The following PTER variants were observed in gnomAD, a reference collection of about 807,000 sequenced individuals.
PTER encodes phosphotriesterase related.
In PTER, 38 loss-of-function variants were observed where a neutral mutation model predicts 29.6. The observed-to-expected ratio is 1.28, with a 90% confidence interval of 0.99 to 1.68. PTER has a LOEUF of 1.68. Among genes scored for constraint, PTER ranks in the 40% most tolerant of loss-of-function variants. PTER has a pLI of 0.00. For synonymous variants in PTER, 172 were observed against 154.5 expected (o/e 1.11, Z -0.84); for missense variants, 482 against 427.8 (o/e 1.13, Z -1.12).
chr10:16,474,492 G>A (rs1835181292), intron 1 of PTER, among the ~76,000 whole-genome samples: 2 of 151,706 alleles, frequency 1.3e-5, no homozygotes, highest in African/African-American at 4.8e-5. Flanking sequence ...CATATTATTC[G>A]GCGTTAGTCT....
chr10:16,514,857 T>C, downstream of PTER: 1 of 625,764 alleles, frequency 1.6e-6, no homozygotes. Flanking sequence ...TTTATGAGGA[T>C]AGTGCTGTGG....
At chr10:16,469,408 A>G (rs1834964478) in intron 1 of PTER, among the ~76,000 whole-genome samples, 1 of 152,214 alleles carries the variant, frequency 6.6e-6, no homozygotes, top group African/African-American at 2.4e-5. Flanking sequence ...AGGCTTCCTA[A>G]GGTGGATTGC....
rs576955078 is a variant in PTER at position 16,470,961 on chromosome 10, C to T, written c.-48-13376C>T. ...TTCACAACACCCCCGCCTCCATTTC[C>T]GCTGCTAACCCCTCATATGAGTGTG... is the stretch of plus-strand genomic sequence containing the variant. On this transcript the variant is annotated intron_variant, in intron 1 of 4. Coordinates refer to ENST00000535784, the MANE Select transcript of PTER (RefSeq NM_001261836.2). Among the ~76,000 whole-genome samples the T allele has an allele frequency of 3.7e-4, 57 of 152,146 alleles. No individual in the cohort carries two copies. The South Asian group carries it at 7.3e-3, about 19-fold the overall frequency.
At chr10:16,443,216 G>A (rs1398300536) in intron 1 of PTER, among the ~76,000 whole-genome samples, 1 of 152,138 alleles carries the variant, frequency 6.6e-6, no homozygotes, top group African/African-American at 2.4e-5. Context: ...TCTCTCTTTG[G>A]CTTGTGGATG....
At chr10:16,445,613 G>A (rs1333403629) in intron 1 of PTER, among the ~76,000 whole-genome samples, 1 of 152,144 alleles carries the variant, frequency 6.6e-6, no homozygotes, top group Non-Finnish European at 1.5e-5. Flanking sequence ...GTGTCTCCAA[G>A]CTCAGTCTTT....
chr10:16,474,118 G>A (rs1835165726), intron 1 of PTER, among the ~76,000 whole-genome samples: 1 of 152,182 alleles, frequency 6.6e-6, no homozygotes, highest in African/African-American at 2.4e-5. Flanking sequence ...TTGAGAGGCT[G>A]AGGCAGGAAA....
intron 1 of PTER, among the ~76,000 whole-genome samples, chr10:16,438,630 A>C (rs1386332512): frequency 6.7e-6 from 1 of 150,298 alleles, no homozygotes; most frequent in African/African-American, 2.4e-5. Context: ...TAGACACATT[A>C]AGGTGAGTGG....
At chr10:16,463,055 T>C (rs868038758) in intron 1 of PTER, among the ~76,000 whole-genome samples, 3 of 151,926 alleles carry the variant, frequency 2.0e-5, no homozygotes, top group Middle Eastern at 3.4e-3. Flanking sequence ...TAGTCGGGCT[T>C]GACGGCAGGC....
chr10:16,501,131 A>G (rs1244750764), intron 3 of PTER, among the ~76,000 whole-genome samples: 3 of 151,788 alleles, frequency 2.0e-5, no homozygotes, highest in South Asian at 4.2e-4. Context: ...GGGTTTCACC[A>G]TGTTGGCCAG....
intron 1 of PTER, among the ~76,000 whole-genome samples, chr10:16,471,999 G>A (rs956054795): frequency 1.3e-5 from 2 of 152,140 alleles, no homozygotes; most frequent in African/African-American, 2.4e-5. Flanking sequence ...ATACCTCCAC[G>A]CTCACTACAA....
At chr10:16,465,060 A>T (rs867095270) in intron 1 of PTER, among the ~76,000 whole-genome samples, 2 of 152,176 alleles carry the variant, frequency 1.3e-5, no homozygotes, top group Admixed American at 1.3e-4. Context: ...CCATGATTCA[A>T]ATACCTCCCA....
intron 3 of PTER, among the ~76,000 whole-genome samples, chr10:16,489,608 G>A (rs1040016130): frequency 4.6e-5 from 7 of 151,310 alleles, no homozygotes; most frequent in South Asian, 2.1e-4. Flanking sequence ...CACTACTTAC[G>A]TGGGACACTT....
intron 1 of PTER, among the ~76,000 whole-genome samples, chr10:16,453,328 T>A (rs1054772370): frequency 6.6e-5 from 10 of 152,210 alleles, no homozygotes; most frequent in African/African-American, 2.4e-4. Flanking sequence ...GTTGTGATTA[T>A]TGGAAACTAA....
In PTER at chr10:16,512,307, TA is replaced by T. The variant is rs1476115941; in HGVS notation, c.*1054del. On this transcript the variant is annotated 3_prime_UTR_variant, in exon 5 of 5. Transcript: ENST00000535784. The stretch of plus-strand genomic sequence containing the variant: ...CTTAGGTGATGGGCACTGCTGCTTA[TA>T]AATTCATCTTTTGGTTGAATCCTCA... 1.3e-5 allele frequency: 2 copies of T among 152,200 alleles called. No homozygotes were observed. Among genetic ancestry groups the T allele is most frequent in the Non-Finnish European group, 2.9e-5 (2 of 68,012 alleles). 9.4% of individuals were successfully genotyped at this position (152,200 alleles called of 1,614,324 possible).
intron 3 of PTER, among the ~76,000 whole-genome samples, chr10:16,494,989 A>G (rs1404741985): frequency 7.9e-5 from 12 of 152,120 alleles, no homozygotes; most frequent in Non-Finnish European, 1.8e-4. Context: ...ATTGCATTAT[A>G]AACATTTTAA....
chr10:16,505,391 T>G (rs756058430), intron 4 of PTER, among the ~76,000 whole-genome samples: 2 of 152,264 alleles, frequency 1.3e-5, no homozygotes, highest in South Asian at 2.1e-4. Flanking sequence ...AGAAGTTCAG[T>G]GCAGATGGGC....
chr10:16,499,671 T>A (rs1836256470), intron 3 of PTER, among the ~76,000 whole-genome samples: 1 of 152,264 alleles, frequency 6.6e-6, no homozygotes, highest in East Asian at 1.9e-4. Flanking sequence ...CTGGAATTCA[T>A]GAGCTCAAGT....
At chr10:16,516,437 C>T (rs537542528), downstream of PTER, among the ~76,000 whole-genome samples, 585 of 151,950 alleles carry the variant, frequency 3.8e-3, 3 homozygotes, top group Non-Finnish European at 6.7e-3. Context: ...GTGTTTTTTT[C>T]TCATCTTTGG....
rs149503318 is a variant in PTER at position 16,446,690 on chromosome 10, A to T, written c.-49+9643A>T. 1.6e-3 allele frequency among the ~76,000 whole-genome samples: 236 copies of T among 152,240 alleles called. 1 individual carries two copies. Among genetic ancestry groups the T allele is most frequent in the Non-Finnish European group, 2.4e-3 (163 of 68,020 alleles). ...ACTGTTGCTACTCGTTATTGTTGCC[A>T]TGGTGAGGTCAAAACGCTTAATTTC... On this transcript the variant is annotated intron_variant, in intron 1 of 4. Transcript: ENST00000535784.
Sources: allele counts gnomAD v4.1 joint callset (sites outside exome capture counted in the v4.1 genomes callset), GRCh38; gene constraint gnomAD v4.1.1; transcripts MANE v1.5; gene names NCBI Gene and HGNC (gene_info 2026-07-23, HGNC 2026-07-21).